Variants in CALD1 observed in about 807,000 individuals in gnomAD.
The protein encoded by CALD1 is caldesmon 1, also known as caldesmon.
A neutral mutation model predicts 99.9 loss-of-function variants in CALD1; 33 were observed. The observed-to-expected ratio is 0.33, with a 90% confidence interval of 0.25 to 0.44. CALD1 has a LOEUF of 0.44. Ranked by LOEUF, CALD1 falls within the 20% of genes least tolerant of loss-of-function variation. CALD1 has a pLI of 1.00. For synonymous variants in CALD1, 310 were observed against 325.0 expected (o/e 0.95, Z 0.50); for missense variants, 861 against 962.1 (o/e 0.89, Z 1.39).
At chr7:134,798,479 T>A (rs1482147128) in intron 1 of CALD1, among the ~76,000 whole-genome samples, 2 of 152,212 alleles carry the variant, frequency 1.3e-5, no homozygotes, top group Non-Finnish European at 2.9e-5. Flanking sequence ...GTGAACACAT[T>A]TACCTGGCTG....
chr7:134,818,419 A>G (rs909631809), intron 1 of CALD1, among the ~76,000 whole-genome samples: 2 of 152,226 alleles, frequency 1.3e-5, no homozygotes, highest in Admixed American at 1.3e-4. Context: ...ATTATTGCAG[A>G]AGATCTTCTA....
intron 3 of CALD1, among the ~76,000 whole-genome samples, chr7:134,910,147 G>A (rs1007461679): frequency 6.6e-6 from 1 of 152,184 alleles, no homozygotes; most frequent in Non-Finnish European, 1.5e-5. Flanking sequence ...AACTGGTCAA[G>A]TGATTAAGAT....
At chr7:134,811,925 G>A (rs1004005885) in intron 1 of CALD1, among the ~76,000 whole-genome samples, 2 of 151,964 alleles carry the variant, frequency 1.3e-5, no homozygotes, top group African/African-American at 4.8e-5. Flanking sequence ...AGTATAAATC[G>A]TTTTTAAATG....
chr7:134,873,243 G>A (rs1485782680), intron 3 of CALD1, among the ~76,000 whole-genome samples: 2 of 151,734 alleles, frequency 1.3e-5, no homozygotes, highest in African/African-American at 4.8e-5. Flanking sequence ...ACTATATTCT[G>A]CTTCCCTTTC....
upstream of CALD1, among the ~76,000 whole-genome samples, chr7:134,775,477 C>T (rs974127575): frequency 2.0e-5 from 3 of 152,064 alleles, no homozygotes; most frequent in Non-Finnish European, 4.4e-5. Flanking sequence ...TTTGGGAGGC[C>T]GAGGCGGGTG....
intron 1 of CALD1, among the ~76,000 whole-genome samples, chr7:134,744,772 CCT>C (rs1796620964): frequency 6.6e-6 from 1 of 151,934 alleles, no homozygotes; most frequent in East Asian, 1.9e-4. Flanking sequence ...TTCTGCTCTT[CCT>C]TGAAGAGCCT....
At chr7:134,836,400 G>T (rs10488463) in intron 1 of CALD1, among the ~76,000 whole-genome samples, 3 of 152,078 alleles carry the variant, frequency 2.0e-5, no homozygotes, top group Non-Finnish European at 2.9e-5. Flanking sequence ...CTGAAACTTA[G>T]GTAACTTAAC....
At chr7:134,865,176 G>A (rs10236678) in intron 2 of CALD1, among the ~76,000 whole-genome samples, 116,670 of 151,546 alleles carry the variant, frequency 0.77, 45,470 homozygotes, top group East Asian at 0.98. Flanking sequence ...AAGAGAAAAA[G>A]AAAATCACTT....
chr7:134,904,099 T>C (rs1395158213), intron 3 of CALD1, among the ~76,000 whole-genome samples: 1 of 151,980 alleles, frequency 6.6e-6, no homozygotes, highest in African/African-American at 2.4e-5. Context: ...GGTGCATGCC[T>C]GTAATCCCAG....
At chr7:134,815,944 T>A (rs1354766632) in intron 1 of CALD1, among the ~76,000 whole-genome samples, 1 of 152,198 alleles carries the variant, frequency 6.6e-6, no homozygotes, top group Non-Finnish European at 1.5e-5. Flanking sequence ...TCCTTAAGAA[T>A]CTTTCTTTCA....
chr7:134,965,835 C>A (rs33987022), intron 14 of CALD1, among the ~76,000 whole-genome samples: 964 of 8,258 alleles, frequency 0.12, 13 homozygotes, highest in African/African-American at 0.2. Context: ...TTGCTATGGC[C>A]AAAAAAAAAA....
intron 3 of CALD1, among the ~76,000 whole-genome samples, chr7:134,889,285 G>T (rs564961861): frequency 1.0e-3 from 157 of 152,274 alleles, no homozygotes; most frequent in African/African-American, 3.5e-3. Flanking sequence ...AGCTTCTAGA[G>T]GAAGTCACAT....
At chr7:134,785,529 G>T (rs1797271761) in intron 1 of CALD1, among the ~76,000 whole-genome samples, 1 of 152,184 alleles carries the variant, frequency 6.6e-6, no homozygotes, top group Non-Finnish European at 1.5e-5. Context: ...GGAAGTTTCA[G>T]ATCTAAGCAA....
chr7:134,968,083 G>A (rs1282853012), intron 14 of CALD1, among the ~76,000 whole-genome samples: 1 of 152,134 alleles, frequency 6.6e-6, no homozygotes, highest in East Asian at 1.9e-4. Context: ...GGAGGCAGAG[G>A]TTGCAGTGAG....
At chr7:134,868,053 A>G in intron 3 of CALD1, 1 of 274,220 alleles carries the variant, frequency 3.6e-6, no homozygotes, top group South Asian at 7.7e-5. Context: ...AATTGCATTT[A>G]ATCAATACCT....
At chr7:134,883,531 A>T (rs572342205) in intron 3 of CALD1, among the ~76,000 whole-genome samples, 2 of 152,168 alleles carry the variant, frequency 1.3e-5, no homozygotes, top group South Asian at 4.1e-4. Context: ...AGTGAGATTA[A>T]AAAAAAGGCC....
At chr7:134,779,800 T>C (rs147520425) in intron 1 of CALD1, 51 bp downstream of exon 1, 25 of 397,950 alleles carry the variant, frequency 6.3e-5, no homozygotes, top group East Asian at 4.3e-4. Flanking sequence ...ATCTGGGGAC[T>C]TTCTCCGGCT....
intron 2 of CALD1, among the ~76,000 whole-genome samples, chr7:134,857,947 A>AT (rs1388714920): frequency 6.6e-6 from 1 of 152,152 alleles, no homozygotes; most frequent in Non-Finnish European, 1.5e-5. Flanking sequence ...CTATAAATGG[A>AT]TTTGCATCCT....
intron 2 of CALD1, among the ~76,000 whole-genome samples, chr7:134,861,626 G>A (rs532193961): frequency 6.6e-6 from 1 of 152,330 alleles, no homozygotes; most frequent in South Asian, 2.1e-4. Context: ...GACCTTTTCT[G>A]TCTTGTTCAC....
Sources: allele counts gnomAD v4.1 joint callset (sites outside exome capture counted in the v4.1 genomes callset), GRCh38; gene constraint gnomAD v4.1.1; transcripts MANE v1.5; gene names NCBI Gene and HGNC (gene_info 2026-07-23, HGNC 2026-07-21).